The following SCN3A variants were observed in gnomAD, a reference collection of about 807,000 sequenced individuals.
SCN3A encodes the protein sodium voltage-gated channel alpha subunit 3.
SCN3A carries 60 observed loss-of-function variants against 187.6 expected under a neutral mutation model. The observed-to-expected ratio is 0.32, with a 90% confidence interval of 0.26 to 0.40. The LOEUF is 0.40. SCN3A is among the 10% of genes least tolerant of loss of function. The probability of loss-of-function intolerance (pLI) is 1.00; values close to 1 mark genes in which losing one functional copy is unlikely to be tolerated. For missense variants in SCN3A, 1,601 were observed against 2,428.2 expected (o/e 0.66, Z 7.16); for synonymous variants, 788 against 829.2 (o/e 0.95, Z 0.85).
At chr2:165,126,102 A>T (rs1013578737) in intron 18 of SCN3A, among the ~76,000 whole-genome samples, 3 of 151,966 alleles carry the variant, frequency 2.0e-5, no homozygotes, top group African/African-American at 7.2e-5. Flanking sequence ...ACACTTATTT[A>T]AAAAAAAGAG....
intron 11 of SCN3A, 68 bp downstream of exon 11, chr2:165,154,379 CTATAG>C: frequency 4.7e-6 from 7 of 1,491,078 alleles, no homozygotes; most frequent in South Asian, 1.2e-5. Context: ...AATCTACCCT[CTATAG>C]TATAACACTA....
chr2:165,094,900 A>G (rs1273185156), intron 25 of SCN3A, among the ~76,000 whole-genome samples: 1 of 152,246 alleles, frequency 6.6e-6, no homozygotes, highest in Non-Finnish European at 1.5e-5. Flanking sequence ...TAAATGGAGC[A>G]GGAAACTGAA....
intron 1 of SCN3A, among the ~76,000 whole-genome samples, chr2:165,192,379 C>A (rs1207640290): frequency 6.6e-6 from 1 of 152,104 alleles, no homozygotes; most frequent in Non-Finnish European, 1.5e-5. Flanking sequence ...GCACTGGTCA[C>A]TTATCAGGGA....
chr2:165,160,603 C>G (rs998245920), intron 9 of SCN3A, among the ~76,000 whole-genome samples: 1 of 140,418 alleles, frequency 7.1e-6, no homozygotes. Context: ...GCAATAAATT[C>G]TTTTCTTTTT....
At chr2:165,125,553 G>A (rs184800339) in intron 18 of SCN3A, among the ~76,000 whole-genome samples, 1 of 152,156 alleles carries the variant, frequency 6.6e-6, no homozygotes, top group East Asian at 1.9e-4. Context: ...TCCTGACCTC[G>A]TGATCCACTC....
Position 165,131,170 on chromosome 2 carries a change from T to A in SCN3A, c.2565+74A>T, listed in dbSNP as rs545042410. 101 of 892,164 alleles carry A rather than the reference T, an allele frequency of 1.1e-4. No individual in the cohort carries two copies. The African/African-American group carries it at 1.6e-3, about 15-fold the overall frequency. The allele number at this position is 892,164 out of a possible 1,614,324, so 55.3% of individuals were successfully genotyped here. A position where few individuals can be genotyped will look rare whatever the true frequency, so the allele number is the denominator to read the frequency against. On this transcript the variant is annotated intron_variant, in intron 16 of 27. Transcript: ENST00000283254. ...AATTTAAAATTAAAATTAATAATTA[T>A]ATAAATATACATTGATTCAATTTCA...
At chr2:165,121,847 C>T (rs957840240) in intron 18 of SCN3A, among the ~76,000 whole-genome samples, 1 of 152,140 alleles carries the variant, frequency 6.6e-6, no homozygotes, top group African/African-American at 2.4e-5. Flanking sequence ...CTACAATAAT[C>T]TTGGGAGATT....
chr2:165,155,909 A>C lies in SCN3A; in HGVS notation c.1032-6T>G, dbSNP rs1487870386. The C allele has an allele frequency of 6.2e-7, 1 of 1,614,086 alleles. No individual in the cohort carries two copies. Among genetic ancestry groups the C allele is most frequent in the Non-Finnish European group, 8.5e-7 (1 of 1,179,994 alleles). ...TGTATCCTTCTGGACACTGGCTATA[A>C]GAGAGAGAAATGGAGGTAGGGTCAG... On this transcript the variant is annotated splice_region_variant and splice_polypyrimidine_tract_variant and intron_variant, in intron 9 of 27. Coordinates refer to ENST00000283254, the MANE Select transcript of SCN3A (RefSeq NM_006922.4).
In SCN3A at chr2:165,130,147, A is replaced by C. The variant is rs1306659070; in HGVS notation, c.2715T>G (p.Gly905=). The C allele has an allele frequency of 1.2e-6, 2 of 1,614,136 alleles. No individual in the cohort carries two copies. The highest frequency in any genetic ancestry group is 1.7e-5 in the Admixed American group (1 of 60,008). The change falls in exon 17 of 28, where the codon GGT becomes GGG. Residue 905 remains glycine (G), a synonymous_variant. Coordinates refer to ENST00000283254, the MANE Select transcript of SCN3A (RefSeq NM_006922.4). ...IFAVVGMQLF[G]KSYKECVCKI... ...TGCAGACACATTCTTTGTAGCTCTT[A>C]CCAAAGAGCTGCATGCCGACCACAG...
intron 5 of SCN3A, among the ~76,000 whole-genome samples, chr2:165,164,961 A>G (rs1303361833): frequency 2.0e-5 from 3 of 152,170 alleles, no homozygotes; most frequent in East Asian, 1.9e-4. Flanking sequence ...AAATTCAACA[A>G]TTAATATTAG....
intron 16 of SCN3A, among the ~76,000 whole-genome samples, chr2:165,131,034 T>C (rs567603200): frequency 5.8e-4 from 89 of 152,274 alleles, no homozygotes; most frequent in African/African-American, 2.0e-3. Flanking sequence ...TAATGTGCCC[T>C]ACATACCTAA....
At chr2:165,191,743 A>T in intron 1 of SCN3A, among the ~76,000 whole-genome samples, 1 of 152,098 alleles carries the variant, frequency 6.6e-6, no homozygotes, top group African/African-American at 2.4e-5. Context: ...AATGTTTATT[A>T]TTCATTTTAT....
In SCN3A at chr2:165,131,353, T is replaced by C. The variant is rs1162073915; in HGVS notation, c.2456A>G (p.Tyr819Cys). The change falls in exon 16 of 28, where the codon TAT becomes TGT. Residue 819 changes from tyrosine to cysteine, a missense_variant. By Grantham distance (194) the Tyr-to-Cys change is radical (BLOSUM62 -2). Coordinates refer to ENST00000283254, the MANE Select transcript of SCN3A (RefSeq NM_006922.4). ...AAAGATATTCCAGCCTTCTTGGAAA[T>C]AGTAATAAGGATCCATGGCAATGAT... The part of the protein sequence containing the change: ...LKIIAMDPYY[Y>C]FQEGWNIFDG... The C allele has an allele frequency of 1.2e-6, 2 of 1,608,700 alleles. No homozygotes were observed. The highest frequency in any genetic ancestry group is 2.2e-5 in the East Asian group (1 of 44,592).
intron 1 of SCN3A, among the ~76,000 whole-genome samples, chr2:165,199,070 G>A (rs553350889): frequency 6.6e-6 from 1 of 151,994 alleles, no homozygotes; most frequent in Non-Finnish European, 1.5e-5. Context: ...CTTGGGAAAG[G>A]AAAAGGACAA....
intron 21 of SCN3A, 94 bp downstream of exon 21, chr2:165,112,791 C>A (rs935310678): frequency 9.2e-7 from 1 of 1,081,096 alleles, no homozygotes; most frequent in South Asian, 1.3e-5. Context: ...ATAATTATGT[C>A]ATTATTAGTG....
intron 9 of SCN3A, among the ~76,000 whole-genome samples, chr2:165,160,079 A>T (rs1456982251): frequency 1.5e-5 from 2 of 135,040 alleles, no homozygotes; most frequent in East Asian, 5.8e-4. Context: ...CAGTGAGCCG[A>T]GATCGCGCCA....
At chr2:165,141,263 G>A (rs1309777911) in intron 12 of SCN3A, among the ~76,000 whole-genome samples, 2 of 152,086 alleles carry the variant, frequency 1.3e-5, no homozygotes, top group African/African-American at 4.8e-5. Flanking sequence ...TTCACTTTAG[G>A]TGGATTGGGT....
intron 17 of SCN3A, 104 bp downstream of exon 17, chr2:165,129,835 TA>T: frequency 7.1e-7 from 1 of 1,410,512 alleles, no homozygotes; most frequent in Non-Finnish European, 1.0e-6. Context: ...GATTTCAGTC[TA>T]GGCCACTTAC....
chr2:165,172,758 C>T (rs1419541390), intron 3 of SCN3A, among the ~76,000 whole-genome samples: 2 of 152,200 alleles, frequency 1.3e-5, no homozygotes, highest in African/African-American at 2.4e-5. Flanking sequence ...GTAGTACTAG[C>T]GGAATTACAG....
Sources: allele counts gnomAD v4.1 joint callset (sites outside exome capture counted in the v4.1 genomes callset), GRCh38; gene constraint gnomAD v4.1.1; transcripts MANE v1.5; gene names NCBI Gene and HGNC (gene_info 2026-07-23, HGNC 2026-07-21).